NRXN1: variants seen among roughly 807,000 people sequenced by gnomAD.
NRXN1 encodes neurexin-1.
In NRXN1, 39 loss-of-function variants were observed where a neutral mutation model predicts 150.9. The ratio of observed to expected loss-of-function variants is 0.26; its 90% confidence interval spans 0.20 to 0.34. The LOEUF (loss-of-function observed/expected upper bound fraction) is 0.34. NRXN1 is among the 10% of genes least tolerant of loss of function. The pLI is 1.00. For synonymous variants in NRXN1, 924 were observed against 757.0 expected (o/e 1.22, Z -3.62); for missense variants, 1,815 against 1,949.9 (o/e 0.93, Z 1.30).
intron 18 of NRXN1, among the ~76,000 whole-genome samples, chr2:50,212,464 T>C (rs2063102634): frequency 6.6e-6 from 1 of 151,564 alleles, no homozygotes; most frequent in Non-Finnish European, 1.5e-5. Context: ...GATTTGAGTC[T>C]GGTTTTTTTT....
At chr2:49,990,651 A>G (rs1681769693) in intron 21 of NRXN1, among the ~76,000 whole-genome samples, 1 of 152,114 alleles carries the variant, frequency 6.6e-6, no homozygotes, top group South Asian at 2.1e-4. Context: ...ACATATCAGT[A>G]AGTAATTTGG....
At chr2:50,731,192 ATTC>A (rs1267801967) in intron 5 of NRXN1, among the ~76,000 whole-genome samples, 1 of 152,200 alleles carries the variant, frequency 6.6e-6, no homozygotes, top group Non-Finnish European at 1.5e-5. Context: ...AATACATATT[ATTC>A]TTCTTCTATA....
intron 17 of NRXN1, among the ~76,000 whole-genome samples, chr2:50,278,691 C>T (rs1243468234): frequency 6.6e-6 from 1 of 151,938 alleles, no homozygotes; most frequent in Non-Finnish European, 1.5e-5. Flanking sequence ...GAAAATTAGG[C>T]CTTACTGAGA....
chr2:50,018,097 T>C (rs1686949588), intron 21 of NRXN1, among the ~76,000 whole-genome samples: 1 of 152,132 alleles, frequency 6.6e-6, no homozygotes, highest in Non-Finnish European at 1.5e-5. Context: ...CAAGGGACCC[T>C]GGTGAACTGA....
chr2:50,451,888 A>G (rs1183647792), intron 17 of NRXN1, among the ~76,000 whole-genome samples: 4 of 151,892 alleles, frequency 2.6e-5, no homozygotes, highest in Non-Finnish European at 4.4e-5. Context: ...ATGTTTAGTT[A>G]GTAGTAGTAT....
intron 17 of NRXN1, among the ~76,000 whole-genome samples, chr2:50,249,249 T>A (rs2066811421): frequency 6.6e-6 from 1 of 151,716 alleles, no homozygotes; most frequent in South Asian, 2.1e-4. Context: ...AGGACTCATA[T>A]CTCTTCTAAT....
At chr2:50,029,381 G>C (rs1446791457) in intron 21 of NRXN1, among the ~76,000 whole-genome samples, 1 of 152,132 alleles carries the variant, frequency 6.6e-6, no homozygotes, top group Non-Finnish European at 1.5e-5. Context: ...TTAGGTCCCT[G>C]CCCAAATCCA....
intron 21 of NRXN1, among the ~76,000 whole-genome samples, chr2:49,964,983 C>A (rs1161647018): frequency 2.0e-5 from 3 of 151,892 alleles, no homozygotes; most frequent in Admixed American, 6.6e-5. Context: ...GTCTCCTGGG[C>A]TCAAGTGATT....
chr2:50,434,412 C>T (rs939649403), intron 17 of NRXN1, among the ~76,000 whole-genome samples: 1 of 152,072 alleles, frequency 6.6e-6, no homozygotes, highest in Non-Finnish European at 1.5e-5. Flanking sequence ...GTGGATTCCT[C>T]TCTTCACATG....
intron 5 of NRXN1, among the ~76,000 whole-genome samples, chr2:50,775,541 C>A (rs1703509902): frequency 6.6e-6 from 1 of 152,078 alleles, no homozygotes; most frequent in African/African-American, 2.4e-5. Context: ...TCCCTAAGTT[C>A]CTGTTTATGA....
At chr2:50,499,134 A>G (rs1370490498) in intron 13 of NRXN1, among the ~76,000 whole-genome samples, 1 of 152,206 alleles carries the variant, frequency 6.6e-6, no homozygotes, top group Non-Finnish European at 1.5e-5. Context: ...TTTAGACGTC[A>G]TGCTTTTTGT....
At chr2:50,506,441 A>G in intron 13 of NRXN1, 54 bp downstream of exon 13, 1 of 1,546,622 alleles carries the variant, frequency 6.5e-7, no homozygotes, top group South Asian at 1.2e-5. Context: ...ACCTGCAAGA[A>G]ATGAGAGTCA....
At chr2:50,703,300 A>G (rs145438844) in intron 5 of NRXN1, among the ~76,000 whole-genome samples, 1 of 152,244 alleles carries the variant, frequency 6.6e-6, no homozygotes, top group East Asian at 1.9e-4. Flanking sequence ...AAAATGGCAT[A>G]TGTTTAACAG....
At chr2:50,941,769 G>C (rs1019472210) in intron 2 of NRXN1, among the ~76,000 whole-genome samples, 3 of 152,200 alleles carry the variant, frequency 2.0e-5, no homozygotes, top group Admixed American at 6.5e-5. Context: ...GGGAAACAGA[G>C]CATAAAAGTT....
intron 22 of NRXN1, among the ~76,000 whole-genome samples, chr2:49,939,291 TTATC>T (rs1553394135): frequency 6.6e-6 from 1 of 152,138 alleles, no homozygotes; most frequent in Non-Finnish European, 1.5e-5. Flanking sequence ...GAAAAAAATG[TTATC>T]TATCTCTCAT....
intron 21 of NRXN1, among the ~76,000 whole-genome samples, chr2:50,035,840 C>T (rs1374527163): frequency 1.3e-5 from 2 of 152,042 alleles, no homozygotes; most frequent in South Asian, 2.1e-4. Context: ...CATTTATGTA[C>T]CTTATGGTAA....
At chr2:50,330,029 G>A (rs1198001528) in intron 17 of NRXN1, among the ~76,000 whole-genome samples, 2 of 151,876 alleles carry the variant, frequency 1.3e-5, no homozygotes, top group Non-Finnish European at 2.9e-5. Flanking sequence ...AAAAAGATTG[G>A]TAAAATAAGT....
chr2:50,853,434 C>A (rs566245662), intron 5 of NRXN1, among the ~76,000 whole-genome samples: 4 of 152,170 alleles, frequency 2.6e-5, no homozygotes, highest in African/African-American at 7.2e-5. Flanking sequence ...TCACAAGTTT[C>A]ATTTAAGTTG....
chr2:50,742,453 CAA>C (rs1487499102), intron 5 of NRXN1, among the ~76,000 whole-genome samples: 1 of 151,206 alleles, frequency 6.6e-6, no homozygotes, highest in Non-Finnish European at 1.5e-5. Context: ...CTAAAAATAA[CAA>C]AAATTAGCGG....
Sources: allele counts gnomAD v4.1 joint callset (sites outside exome capture counted in the v4.1 genomes callset), GRCh38; gene constraint gnomAD v4.1.1; transcripts MANE v1.5; gene names NCBI Gene and HGNC (gene_info 2026-07-23, HGNC 2026-07-21).